CDC7: variants seen among roughly 807,000 people sequenced by gnomAD.
CDC7 encodes the protein cell division cycle 7, also known as cell division cycle 7-related protein kinase.
In CDC7, 34 loss-of-function variants were observed where a neutral mutation model predicts 53.5. The ratio of observed to expected loss-of-function variants is 0.64; its 90% CI spans 0.48 to 0.85. The LOEUF (loss-of-function observed/expected upper bound fraction) is 0.85, where lower values mean the gene tolerates loss of function less well. Among genes scored for constraint, CDC7 ranks in the 40% least tolerant of loss-of-function variants. The pLI is 0.00. For synonymous variants in CDC7, 211 were observed against 222.8 expected (o/e 0.95, Z 0.47); for missense variants, 594 against 679.7 (o/e 0.87, Z 1.40).
Position 91,513,063 on chromosome 1 carries a change from C to T in CDC7, c.578C>T (p.Ala193Val), listed in dbSNP as rs1291593463. The change falls in exon 7 of 12, where the codon GCC (alanine) becomes GTC (valine). Residue 193 changes from alanine (A) to valine (V), a missense_variant. Physicochemically the swap from Ala to Val is moderately conservative, Grantham distance 64. Transcript: ENST00000234626. Reference protein sequence around the residue: ...FLYNRRLKKYALVDFGLAQGT... With the variant: ...FLYNRRLKKYVLVDFGLAQGT... Reference sequence around the variant, plus strand: ...TGCTTAATTTTGTCTCTTAGGTATGCCTTGGTAGACTTTGGTTTGGCCCAA... The same window carrying T: ...TGCTTAATTTTGTCTCTTAGGTATGTCTTGGTAGACTTTGGTTTGGCCCAA... The T allele has an allele frequency of 1.2e-6, 2 of 1,613,176 alleles. No homozygotes were observed. The highest frequency in any genetic ancestry group is 8.5e-7 in the Non-Finnish European group (1 of 1,179,444).
chr1:91,523,928 A>G (rs1571344491), intron 11 of CDC7, 113 bp from the exon 12 acceptor site: 1 of 673,662 alleles, frequency 1.5e-6, no homozygotes, highest in Non-Finnish European at 2.5e-6. Flanking sequence ...GTGTGTGTCC[A>G]TGTCTATAAA....
chr1:91,513,963 CT>C lies in CDC7; in HGVS notation c.841del (p.Ser281LeufsTer25). On this transcript the variant is annotated frameshift_variant, in exon 8 of 12. Coordinates refer to ENST00000234626, the MANE Select transcript of CDC7 (RefSeq NM_003503.4). LOFTEE classifies it high-confidence loss of function. The part of the protein sequence containing the change: ...GKDGKEGSVG[L>X]SVQRSVFGER... ...GGTATTGTAGGAGGGATCTGTAGGC[CT>C]TTCTGTCCAGCGCTCTGTTTTTGGA... is the stretch of plus-strand genomic sequence containing the variant. The C allele has an allele frequency of 6.2e-7, 1 of 1,611,568 alleles. No homozygotes were observed. Among genetic ancestry groups the C allele is most frequent in the Non-Finnish European group, 8.5e-7 (1 of 1,178,032 alleles).
chr1:91,522,916 A>G (rs771849813), intron 11 of CDC7, among the ~76,000 whole-genome samples: 6 of 152,210 alleles, frequency 3.9e-5, no homozygotes, highest in Non-Finnish European at 1.5e-5. Flanking sequence ...GACAATCTAC[A>G]TTCTCAGAAA....
rs577169856 is a variant in CDC7 at position 91,507,743 on chromosome 1, ATAAT to A, written c.116-104_116-101del. ...ATCACAATGTTATTAAAACTTATGTATAATTAATTACTCATATTTTATAATTTAT... is the reference window on the plus strand; with the variant it reads ...ATCACAATGTTATTAAAACTTATGTATAATTACTCATATTTTATAATTTAT... On this transcript the variant is annotated intron_variant, in intron 2 of 11. Coordinates refer to ENST00000234626, the MANE Select transcript of CDC7 (RefSeq NM_003503.4). The A allele has an allele frequency of 2.3e-4, 161 of 712,356 alleles. 1 individual carries two copies. The highest frequency in any genetic ancestry group is 1.9e-3 in the African/African-American group (103 of 52,946). The allele number at this position is 712,356 out of a possible 1,614,324, so 44.1% of individuals were successfully genotyped here.
At chr1:91,513,430 T>C in intron 7 of CDC7, 123 bp downstream of exon 7, 1 of 725,616 alleles carries the variant, frequency 1.4e-6, no homozygotes, top group Non-Finnish European at 2.2e-6. Flanking sequence ...TTGCATTTGT[T>C]ATATGTATTC....
At chr1:91,507,745 A>C (rs1459775200) in intron 2 of CDC7, 109 bp from the exon 3 acceptor site, 2 of 727,690 alleles carry the variant, frequency 2.7e-6, no homozygotes, top group African/African-American at 3.8e-5. Context: ...ACTTATGTAT[A>C]ATTAATTACT....
chr1:91,514,827 GCAGT>G lies in CDC7; in HGVS notation c.930_933del (p.Ser311ArgfsTer10), dbSNP rs1667472201. Reference sequence around the variant, plus strand: ...AGACTTTTCTTTTACAGCTCATGAAGCAGTCAAAGACTGTGGATGTACTGTCTAG... The same window carrying G: ...AGACTTTTCTTTTACAGCTCATGAAGCAAAGACTGTGGATGTACTGTCTAG... On this transcript the variant is annotated frameshift_variant, in exon 9 of 12. Coordinates refer to ENST00000234626, the MANE Select transcript of CDC7 (RefSeq NM_003503.4). LOFTEE classifies it high-confidence loss of function. 1.3e-6 allele frequency: 2 copies of G among 1,586,932 alleles called. No individual in the cohort carries two copies. The highest frequency in any genetic ancestry group is 1.7e-6 in the Non-Finnish European group (2 of 1,167,670).
chr1:91,501,623 C>G, intron 1 of CDC7, 31 bp from the exon 2 acceptor site: 1 of 895,548 alleles, frequency 1.1e-6, no homozygotes, highest in South Asian at 1.4e-5. Context: ...AGCGAGTGAT[C>G]TAAATTTCTC....
intron 2 of CDC7, among the ~76,000 whole-genome samples, chr1:91,506,531 C>G (rs189677079): frequency 3.3e-5 from 5 of 152,324 alleles, no homozygotes; most frequent in Admixed American, 3.3e-4. Context: ...TTACAGGTGT[C>G]ACCTTGTATT....
chr1:91,523,193 T>A (rs978341508), intron 11 of CDC7, among the ~76,000 whole-genome samples: 4 of 152,154 alleles, frequency 2.6e-5, no homozygotes, highest in Non-Finnish European at 4.4e-5. Context: ...TCACAGAGCT[T>A]AAATTCTAGT....
At chr1:91,514,700 C>T in intron 8 of CDC7, 119 bp from the exon 9 acceptor site, 1 of 683,030 alleles carries the variant, frequency 1.5e-6, no homozygotes, top group Non-Finnish European at 2.4e-6. Flanking sequence ...ATTTACAGTC[C>T]AATAGCCATT....
At chr1:91,508,235 T>A (rs781676896) in intron 3 of CDC7, 27 bp from the exon 4 acceptor site, 1 of 1,555,796 alleles carries the variant, frequency 6.4e-7, no homozygotes, top group East Asian at 2.3e-5. Flanking sequence ...AACCAGATAT[T>A]GAAAAATTTA....
At chr1:91,522,399 A>T (rs1668004181) in intron 11 of CDC7, among the ~76,000 whole-genome samples, 2 of 152,206 alleles carry the variant, frequency 1.3e-5, no homozygotes, top group African/African-American at 4.8e-5. Context: ...ACCTGGCTCC[A>T]TTGTGGGTTG....
At position 91,508,396 on chromosome 1, in the gene CDC7, G is replaced by T. The variant is rs13447493; in HGVS notation, c.334G>T (p.Gly112Trp). Residue 112 changes from glycine to tryptophan, a missense_variant and splice_region_variant, in exon 4 of 12, where the codon GGG becomes TGG. Gly to Trp is a radical substitution (Grantham distance 184). Coordinates refer to ENST00000234626, the MANE Select transcript of CDC7 (RefSeq NM_003503.4). ...AAELQCLTVA[G>W]GQDNVMGVKY... ...TGAACTTCAGTGCCTAACAGTGGCT[G>T]GGTAGGCAATTTAAACATATTTTAA... 1.9e-5 allele frequency: 31 copies of T among 1,605,048 alleles called. No homozygotes were observed. Among genetic ancestry groups the T allele is most frequent in the Non-Finnish European group, 2.4e-5 (28 of 1,175,532 alleles).
At chr1:91,504,144 C>A (rs1666855251) in intron 2 of CDC7, among the ~76,000 whole-genome samples, 1 of 150,210 alleles carries the variant, frequency 6.7e-6, no homozygotes, top group South Asian at 2.1e-4. Context: ...CTCTGTCACA[C>A]CACTGTCACT....
In CDC7 at chr1:91,500,892, C is replaced by G. The variant is rs1557582070; in HGVS notation, c.-120C>G. 2 of 152,284 alleles carry G rather than the reference C, an allele frequency of 1.3e-5. No individual in the cohort carries two copies. Among genetic ancestry groups the G allele is most frequent in the Non-Finnish European group, 2.9e-5 (2 of 68,080 alleles). 9.4% of individuals were successfully genotyped at this position (152,284 alleles called of 1,614,324 possible). Reference sequence around the variant, plus strand: ...CGATCGACTCGGTAGGTGGGGATCTCTTGGAGACGGCGACCCAGGCATCTG... The same window carrying G: ...CGATCGACTCGGTAGGTGGGGATCTGTTGGAGACGGCGACCCAGGCATCTG... On this transcript the variant is annotated 5_prime_UTR_variant, in exon 1 of 12. Coordinates refer to ENST00000234626, the MANE Select transcript of CDC7 (RefSeq NM_003503.4).
Position 91,511,365 on chromosome 1 carries a change from A to T in CDC7, c.336-232A>T, listed in dbSNP as rs563109279. Among the ~76,000 whole-genome samples, 6 of 152,130 alleles carry T rather than the reference A, an allele frequency of 3.9e-5. No homozygotes were observed. In the South Asian group the frequency reaches 1.2e-3, roughly 32 times the overall value. On this transcript the variant is annotated intron_variant, in intron 4 of 11. Coordinates refer to ENST00000234626, the MANE Select transcript of CDC7 (RefSeq NM_003503.4). ...TGCTGCTTCCCCAGTCACAACTATA[A>T]TTACCTCGTTTGAATTATTATAGTA...
rs545633356 is a variant in CDC7 at position 91,506,012 on chromosome 1, T to C, written c.116-1842T>C. Among the ~76,000 whole-genome samples, 227 of 152,224 alleles carry C rather than the reference T, an allele frequency of 1.5e-3. 1 individual carries two copies. The highest frequency in any genetic ancestry group is 2.7e-3 in the Non-Finnish European group (183 of 68,008). The stretch of plus-strand genomic sequence containing the variant: ...ATTCTATTTCTATTATTGTTATTAT[T>C]GTTATTATTATTGAGACAGGGTCTC... On this transcript the variant is annotated intron_variant, in intron 2 of 11. Transcript: ENST00000234626.
chr1:91,518,124 C>T (rs1667676486), intron 10 of CDC7, among the ~76,000 whole-genome samples: 1 of 91,276 alleles, frequency 1.1e-5, no homozygotes, highest in African/African-American at 3.8e-5. Context: ...AAAGGTGATA[C>T]AGTAGCCCAA....
Sources: allele counts gnomAD v4.1 joint callset (sites outside exome capture counted in the v4.1 genomes callset), GRCh38; gene constraint gnomAD v4.1.1; transcripts MANE v1.5; gene names NCBI Gene and HGNC (gene_info 2026-07-23, HGNC 2026-07-21).